The following RABEP1 variants were observed in gnomAD, a reference collection of about 807,000 sequenced individuals.
RABEP1 encodes rab GTPase-binding effector protein 1.
Under a neutral mutation model 123.4 loss-of-function variants are expected in RABEP1, and 51 were observed. That is an observed-to-expected ratio of 0.41 (90% CI 0.33 to 0.52). RABEP1 has a LOEUF of 0.52. Among genes scored for constraint, RABEP1 ranks in the 20% least tolerant of loss-of-function variants. The pLI, the probability that RABEP1 is intolerant of heterozygous loss-of-function variation, is 0.16. For missense variants in RABEP1, 888 were observed against 996.3 expected, an observed-to-expected ratio of 0.89 and a Z score of 1.46; for synonymous variants, 347 against 355.2, an observed-to-expected ratio of 0.98 and a Z score of 0.26.
At chr17:5,306,552 C>G (rs539443594) in intron 1 of RABEP1, among the ~76,000 whole-genome samples, 2 of 151,348 alleles carry the variant, frequency 1.3e-5, no homozygotes, top group Non-Finnish European at 2.9e-5. Context: ...TGCTTGAGTC[C>G]GGGAGGCGGA....
At chr17:5,304,457 C>G (rs1412927561) in intron 1 of RABEP1, among the ~76,000 whole-genome samples, 1 of 151,602 alleles carries the variant, frequency 6.6e-6, no homozygotes, top group Non-Finnish European at 1.5e-5. Context: ...TGGTAGGCTC[C>G]TGTAATCCCA....
intron 5 of RABEP1, among the ~76,000 whole-genome samples, chr17:5,343,145 GGGGGGCT>G (rs1048655269): frequency 5.9e-5 from 9 of 152,178 alleles, no homozygotes; most frequent in Admixed American, 2.6e-4. Flanking sequence ...CCAGCTACTT[GGGGGGCT>G]GAGGCAGGAG....
chr17:5,295,383 C>A lies in RABEP1; in HGVS notation c.34+12863C>A, dbSNP rs530024262. Among the ~76,000 whole-genome samples, 3 of 135,464 alleles carry A rather than the reference C, an allele frequency of 2.2e-5. No homozygotes were observed. The South Asian group carries it at 7.1e-4, about 32-fold the overall frequency. The allele number at this position is 135,464 out of a possible 152,430, so 88.9% of individuals were successfully genotyped here. On this transcript the variant is annotated intron_variant, in intron 1 of 17. Transcript: ENST00000537505. ...CAGCCTGGGCAACAGAGGAAGATTCCGTCTCAAAAAAAAAAAAAAAGTTAT... is the reference window on the plus strand; with the variant it reads ...CAGCCTGGGCAACAGAGGAAGATTCAGTCTCAAAAAAAAAAAAAAAGTTAT...
At chr17:5,293,264 A>G (rs989869732) in intron 1 of RABEP1, among the ~76,000 whole-genome samples, 17 of 151,810 alleles carry the variant, frequency 1.1e-4, no homozygotes, top group Non-Finnish European at 1.0e-4. Flanking sequence ...TCCAGCCTGG[A>G]CAATAAGAGG....
chr17:5,305,014 A>G (rs1034285937), intron 1 of RABEP1, among the ~76,000 whole-genome samples: 2 of 152,226 alleles, frequency 1.3e-5, no homozygotes, highest in Non-Finnish European at 2.9e-5. Flanking sequence ...TACATGAACT[A>G]TTAGCTAATG....
chr17:5,362,469 C>T (rs1909634676), intron 9 of RABEP1, among the ~76,000 whole-genome samples: 1 of 152,116 alleles, frequency 6.6e-6, no homozygotes, highest in African/African-American at 2.4e-5. Flanking sequence ...CTTACTGAGG[C>T]CTGAAAGAAA....
intron 1 of RABEP1, among the ~76,000 whole-genome samples, chr17:5,298,435 A>G (rs1379891064): frequency 6.6e-6 from 1 of 152,168 alleles, no homozygotes; most frequent in Non-Finnish European, 1.5e-5. Context: ...TAAACCAATT[A>G]CTGTTTATAT....
chr17:5,283,746 A>C (rs1436890879), intron 1 of RABEP1: 1 of 152,104 alleles, frequency 6.6e-6, no homozygotes. Context: ...ATCAGATTTT[A>C]AGGTTCTGGC....
chr17:5,365,538 C>A (rs887919224), intron 11 of RABEP1, among the ~76,000 whole-genome samples: 1 of 151,824 alleles, frequency 6.6e-6, no homozygotes, highest in Non-Finnish European at 1.5e-5. Flanking sequence ...TAATTATTTT[C>A]TTTTAAACTT....
chr17:5,384,028 T>C lies in RABEP1; in HGVS notation c.*805T>C. ...TACCATCTACTCTTTTGAAGTGTTT[T>C]AGTCTAGTTATTGGATCAGTGAAAA... On this transcript the variant is annotated 3_prime_UTR_variant, in exon 18 of 18. Transcript: ENST00000537505. 4.6e-6 allele frequency: 1 copy of C among 218,384 alleles called. No homozygotes were observed. Among genetic ancestry groups the C allele is most frequent in the East Asian group, 6.9e-5 (1 of 14,598 alleles). The allele number at this position is 218,384 out of a possible 1,614,324, so 13.5% of individuals were successfully genotyped here.
chr17:5,371,101 G>A (rs1286351395), intron 12 of RABEP1: 1 of 152,146 alleles, frequency 6.6e-6, no homozygotes, highest in Non-Finnish European at 1.5e-5. Context: ...GGAGTAGCTG[G>A]GACTACATGC....
intron 2 of RABEP1, among the ~76,000 whole-genome samples, chr17:5,321,609 C>CA (rs1236296021): frequency 9.9e-5 from 15 of 151,594 alleles, no homozygotes; most frequent in African/African-American, 3.4e-4. Flanking sequence ...GACCATGTCT[C>CA]AAAAAAATAA....
intron 5 of RABEP1, among the ~76,000 whole-genome samples, chr17:5,344,370 G>A (rs955554211): frequency 6.6e-6 from 1 of 151,754 alleles, no homozygotes; most frequent in African/African-American, 2.4e-5. Flanking sequence ...CCCGGGAGAT[G>A]GAGGCTGCAG....
At chr17:5,351,329 A>G (rs1244883231) in intron 7 of RABEP1, among the ~76,000 whole-genome samples, 2 of 152,094 alleles carry the variant, frequency 1.3e-5, no homozygotes, top group East Asian at 3.8e-4. Context: ...AATACAGTGA[A>G]AAAATAAATA....
intron 2 of RABEP1, among the ~76,000 whole-genome samples, chr17:5,315,635 G>C (rs1173192124): frequency 6.6e-6 from 1 of 152,174 alleles, no homozygotes; most frequent in Non-Finnish European, 1.5e-5. Flanking sequence ...TGGATCACTT[G>C]AGGTCAGGAG....
intron 1 of RABEP1, among the ~76,000 whole-genome samples, chr17:5,300,462 G>A (rs769752648): frequency 6.6e-6 from 1 of 152,132 alleles, no homozygotes; most frequent in Admixed American, 6.5e-5. Flanking sequence ...GTGATGTGTA[G>A]CCTTGACCAC....
chr17:5,373,697 CA>C (rs148104371), intron 13 of RABEP1, among the ~76,000 whole-genome samples: 26 of 73,014 alleles, frequency 3.6e-4, no homozygotes, highest in Non-Finnish European at 5.3e-4. Context: ...CAGCTAAACA[CA>C]CACACACACA....
At chr17:5,342,929 C>T (rs1397217971) in intron 5 of RABEP1, among the ~76,000 whole-genome samples, 2 of 152,158 alleles carry the variant, frequency 1.3e-5, no homozygotes, top group African/African-American at 4.8e-5. Flanking sequence ...TGACAGGTGG[C>T]ATTACAAATC....
In RABEP1 at chr17:5,332,165, A is replaced by G. The variant is rs1398157975; in HGVS notation, c.367+13A>G. The G allele has an allele frequency of 2.5e-6, 4 of 1,608,614 alleles. No homozygotes were observed. The South Asian group carries it at 3.3e-5, about 13-fold the overall frequency. On this transcript the variant is annotated intron_variant, in intron 3 of 17. Transcript: ENST00000537505. Reference sequence around the variant, plus strand: ...GCTGTTATGAAAGGTAAAGACAGAGAAAGATCAATTTTGTGATTTTCTAAG... The same window carrying G: ...GCTGTTATGAAAGGTAAAGACAGAGGAAGATCAATTTTGTGATTTTCTAAG...
Sources: gnomAD v4.1 joint callset for allele counts (sites outside exome capture counted in the v4.1 genomes callset) on GRCh38, gnomAD v4.1.1 for gene constraint, MANE v1.5 for transcripts, NCBI Gene and HGNC (gene_info 2026-07-23, HGNC 2026-07-21) for gene names.